NDUFV1: variants seen among roughly 807,000 people sequenced by gnomAD.
The protein encoded by NDUFV1 is NADH dehydrogenase [ubiquinone] flavoprotein 1, mitochondrial.
In NDUFV1, 41 loss-of-function variants were observed where a neutral mutation model predicts 48.7. That is an observed-to-expected ratio of 0.84 (90% CI 0.66 to 1.09). NDUFV1 has a LOEUF of 1.09. Ranked by LOEUF, NDUFV1 falls within the 50% of genes least tolerant of loss-of-function variation. The pLI is 0.00. For synonymous variants in NDUFV1, 231 were observed against 259.1 expected (o/e 0.89, Z 1.04); for missense variants, 580 against 645.4 (o/e 0.90, Z 1.10).
At position 67,611,218 on chromosome 11, in the gene NDUFV1, G is replaced by T; in HGVS notation, c.913+11G>T. ...TTGAGAAGCATGCTGGTAAGGCCTGGGGCCAGCCAGGTGGTGGGGGGGTGC... is the reference window on the plus strand; with the variant it reads ...TTGAGAAGCATGCTGGTAAGGCCTGTGGCCAGCCAGGTGGTGGGGGGGTGC... On this transcript the variant is annotated intron_variant, in intron 6 of 9. Transcript: ENST00000322776. The surrounding 1 kb of genome is among the most constrained non-coding windows in gnomAD (Gnocchi z 4.2). 1 of 1,613,780 alleles carries T rather than the reference G, an allele frequency of 6.2e-7. No individual in the cohort carries two copies. Among genetic ancestry groups the T allele is most frequent in the Non-Finnish European group, 8.5e-7 (1 of 1,179,854 alleles).
chr11:67,610,931 C>T (rs1854901791), intron 5 of NDUFV1, 64 bp from the exon 6 acceptor site: 1 of 1,514,084 alleles, frequency 6.6e-7, no homozygotes, highest in Non-Finnish European at 9.2e-7. Context: ...TGGGACACAC[C>T]TCCCTGCCAG....
At position 67,611,969 on chromosome 11, in the gene NDUFV1, T is replaced by C; in HGVS notation, c.1153T>C (p.Cys385Arg). ...KHESCGQCTP[C>R]REGVDWMNKV... is the part of the protein sequence containing the mutation. ...CGAGAGCTGTGGCCAGTGTACCCCA[T>C]GCCGTGAGGGTGAGCATCGGGCAGG... Residue 385 changes from cysteine to arginine, a missense_variant, in exon 8 of 10, where the codon TGC becomes CGC. Physicochemically the swap from Cys to Arg is radical, Grantham distance 180. Transcript: ENST00000322776. The surrounding 1 kb of genome is among the most constrained non-coding windows in gnomAD (Gnocchi z 4.2). 1.2e-6 allele frequency: 2 copies of C among 1,613,930 alleles called. No homozygotes were observed. The highest frequency in any genetic ancestry group is 1.7e-6 in the Non-Finnish European group (2 of 1,179,970).
At chr11:67,610,219 G>A (rs1854885934) in intron 4 of NDUFV1, 162 bp from the exon 5 acceptor site, 1 of 706,382 alleles carries the variant, frequency 1.4e-6, no homozygotes, top group East Asian at 2.6e-5. Flanking sequence ...CCAGATCATA[G>A]TCAAGTTTTC....
chr11:67,608,170 G>A (rs565968844), intron 1 of NDUFV1: 20 of 577,262 alleles, frequency 3.5e-5, no homozygotes, highest in Non-Finnish European at 6.2e-5. Context: ...AGTTTGCAGT[G>A]AGCTGAGATT....
chr11:67,611,610 T>A lies in NDUFV1; in HGVS notation c.1080+41T>A. ...CCAGCCCTGGTCCCTGCCCTCCTGG[T>A]TGCTGTCTCCCTCCCTGGGCCTCCC... On this transcript the variant is annotated intron_variant, in intron 7 of 9. Coordinates refer to ENST00000322776, the MANE Select transcript of NDUFV1 (RefSeq NM_007103.4). This position sits in a 1 kb window ranked among gnomAD's most constrained non-coding sequence, Gnocchi z 4.2. 1 of 1,583,372 alleles carries A rather than the reference T, an allele frequency of 6.3e-7. No homozygotes were observed. The highest frequency in any genetic ancestry group is 8.6e-7 in the Non-Finnish European group (1 of 1,164,738).
At chr11:67,608,793 C>T in intron 3 of NDUFV1, 71 bp downstream of exon 3, 1 of 1,596,282 alleles carries the variant, frequency 6.3e-7, no homozygotes, top group Non-Finnish European at 8.5e-7. Context: ...TTCCCTGGGC[C>T]TTTGGGCTCT....
rs756450574 is a variant in NDUFV1 at position 67,612,187 on chromosome 11, C to T, written c.1230C>T (p.Asp410=). ...GGGATGCCCGGCCGGCCGAGATCGA[C>T]TCCCTGTGGGAGATCAGCAAGCAGA... ...VRGDARPAEI[D]SLWEISKQIE... The change falls in exon 9 of 10, where the codon GAC becomes GAT. Residue 410 remains aspartate (D), a synonymous_variant. Transcript: ENST00000322776. The surrounding 1 kb of genome is among the most constrained non-coding windows in gnomAD (Gnocchi z 4.4). The T allele has an allele frequency of 1.2e-6, 2 of 1,613,738 alleles. No individual in the cohort carries two copies. Among genetic ancestry groups the T allele is most frequent in the Non-Finnish European group, 1.7e-6 (2 of 1,179,962 alleles).
Position 67,611,902 on chromosome 11 carries a change from C to G in NDUFV1, c.1086C>G (p.Asp362Glu). Residue 362 changes from aspartate (D) to glutamate (E), a missense_variant, in exon 8 of 10, where the codon GAC becomes GAG. Physicochemically the swap from Asp to Glu is conservative, Grantham distance 45 (BLOSUM62 2). Transcript: ENST00000322776. The surrounding 1 kb of genome is among the most constrained non-coding windows in gnomAD (Gnocchi z 4.2). ...AATTGCCCCTCGTCACCCAGACGGACATCGTGAAAGCCATCGCCCGCCTCA... is the reference window on the plus strand; with the variant it reads ...AATTGCCCCTCGTCACCCAGACGGAGATCGTGAAAGCCATCGCCCGCCTCA... ...AAVIVMDRST[D>E]IVKAIARLIE... 1 of 1,614,048 alleles carries G rather than the reference C, an allele frequency of 6.2e-7. No homozygotes were observed. Among genetic ancestry groups the G allele is most frequent in the Non-Finnish European group, 8.5e-7 (1 of 1,180,002 alleles).
chr11:67,612,420 T>G lies in NDUFV1; in HGVS notation c.1357T>G (p.Phe453Val), dbSNP rs766555792. The change falls in exon 10 of 10, where the codon TTT (phenylalanine) becomes GTT (valine). Residue 453 changes from phenylalanine to valine, a missense_variant. By Grantham distance (50) the Phe-to-Val change is conservative. Coordinates refer to ENST00000322776, the MANE Select transcript of NDUFV1 (RefSeq NM_007103.4). The surrounding 1 kb of genome is among the most constrained non-coding windows in gnomAD (Gnocchi z 4.4). ...RPELEERMQR[F>V]AQQHQARQAA... Reference sequence around the variant, plus strand: ...GGAGCTCGAGGAGCGGATGCAGCGGTTTGCCCAGCAGCATCAGGCCCGGCA... The same window carrying G: ...GGAGCTCGAGGAGCGGATGCAGCGGGTTGCCCAGCAGCATCAGGCCCGGCA... 4 of 1,612,472 alleles carry G rather than the reference T, an allele frequency of 2.5e-6. No homozygotes were observed. The Admixed American group carries it at 5.0e-5, about 20-fold the overall frequency.
In NDUFV1 at chr11:67,610,882, G is replaced by A; in HGVS notation, c.701-113G>A. 3.9e-6 allele frequency: 4 copies of A among 1,022,316 alleles called. No homozygotes were observed. The South Asian group carries it at 5.3e-5, about 14-fold the overall frequency. The allele number at this position is 1,022,316 out of a possible 1,614,324, so 63.3% of individuals were successfully genotyped here. A position where few individuals can be genotyped will look rare whatever the true frequency, so the allele number is the denominator to read the frequency against. ...TCCAGCAGGGATAAGAATGATAAGG[G>A]GATATTAGAGCAGGGGCTCTGCCAT... On this transcript the variant is annotated intron_variant, in intron 5 of 9. Coordinates refer to ENST00000322776, the MANE Select transcript of NDUFV1 (RefSeq NM_007103.4).
chr11:67,610,202 A>C (rs1282696332), intron 4 of NDUFV1, 179 bp from the exon 5 acceptor site: 1 of 648,448 alleles, frequency 1.5e-6, no homozygotes, highest in South Asian at 1.9e-5. Context: ...CTTCTTGCTT[A>C]TCTGTTCCAG....
At chr11:67,609,757 G>T in intron 4 of NDUFV1, 122 bp downstream of exon 4, 1 of 1,178,790 alleles carries the variant, frequency 8.5e-7, no homozygotes, top group South Asian at 1.3e-5. Flanking sequence ...CTGGGGGAGT[G>T]GTGGCCAGTC....
chr11:67,611,877 A>C lies in NDUFV1; in HGVS notation c.1081-20A>C. The C allele has an allele frequency of 6.2e-7, 1 of 1,613,630 alleles. No homozygotes were observed. The highest frequency in any genetic ancestry group is 8.5e-7 in the Non-Finnish European group (1 of 1,179,678). ...TTCTGTCTGGCCGTGGGTGCCTGCT[A>C]ATTGCCCCTCGTCACCCAGACGGAC... is the stretch of plus-strand genomic sequence containing the variant. On this transcript the variant is annotated intron_variant, in intron 7 of 9. Transcript: ENST00000322776. This position sits in a 1 kb window ranked among gnomAD's most constrained non-coding sequence, Gnocchi z 4.2.
intron 1 of NDUFV1, chr11:67,607,589 G>A (rs1854833521): frequency 2.3e-6 from 1 of 425,876 alleles, no homozygotes; most frequent in Admixed American, 2.7e-5. Flanking sequence ...TTTCCCATCA[G>A]TAAACACATT....
intron 4 of NDUFV1, chr11:67,610,092 G>T: frequency 2.2e-6 from 1 of 452,648 alleles, no homozygotes; most frequent in African/African-American, 2.0e-5. Context: ...ATTTTATAAG[G>T]ACTTTTATTT....
chr11:67,609,282 T>C, intron 3 of NDUFV1, 170 bp from the exon 4 acceptor site: 1 of 662,116 alleles, frequency 1.5e-6, no homozygotes, highest in Admixed American at 2.8e-5. Context: ...GTGAGCTCCC[T>C]GTCATTGGTG....
chr11:67,607,534 T>C (rs1308401495), intron 1 of NDUFV1: 3 of 458,810 alleles, frequency 6.5e-6, no homozygotes, highest in Non-Finnish European at 8.7e-6. Context: ...CCTCATTTCA[T>C]CCTAAGTGAG....
chr11:67,610,455 G>A lies in NDUFV1; in HGVS notation c.585G>A (p.Val195=), dbSNP rs749222090. Residue 195 remains valine (V), a synonymous_variant, in exon 5 of 10, where the codon GTG becomes GTA. Transcript: ENST00000322776. ...GTGGCTCTGGCTATGATTTTGACGT[G>A]TTTGTGGTGCGCGGGGCTGGGGCCT... is the stretch of plus-strand genomic sequence containing the variant. ...NACGSGYDFD[V]FVVRGAGAYI... is the part of the protein sequence containing the mutation. 49 of 1,614,076 alleles carry A rather than the reference G, an allele frequency of 3.0e-5. No individual in the cohort carries two copies. The highest frequency in any genetic ancestry group is 4.2e-5 in the Non-Finnish European group (49 of 1,180,040).
In NDUFV1 at chr11:67,612,092, A is replaced by G. The variant is rs1392406689; in HGVS notation, c.1163-28A>G. On this transcript the variant is annotated intron_variant, in intron 8 of 9. Coordinates refer to ENST00000322776, the MANE Select transcript of NDUFV1 (RefSeq NM_007103.4). This position sits in a 1 kb window ranked among gnomAD's most constrained non-coding sequence, Gnocchi z 4.4. ...CCACATCCTGGCTGGGGAGATCATCAGGCCCTCTCTTGTGGCTGTGGCTGC... is the reference window on the plus strand; with the variant it reads ...CCACATCCTGGCTGGGGAGATCATCGGGCCCTCTCTTGTGGCTGTGGCTGC... 6.2e-7 allele frequency: 1 copy of G among 1,613,570 alleles called. No homozygotes were observed.
Sources: gnomAD v4.1 joint callset for allele counts on GRCh38, gnomAD v4.1.1 for gene constraint, Gnocchi (gnomAD v3.1) non-coding constraint, MANE v1.5 for transcripts, NCBI Gene and HGNC (gene_info 2026-07-23, HGNC 2026-07-21) for gene names.